CYB5D1: variants seen among roughly 807,000 people sequenced by gnomAD.
CYB5D1 encodes cytochrome b5 domain containing 1.
CYB5D1 carries 30 observed loss-of-function variants against 24.3 expected under a neutral mutation model. That is an observed-to-expected ratio of 1.23 (90% CI 0.92 to 1.67). CYB5D1 has a LOEUF of 1.67. CYB5D1 is among the 40% of genes most tolerant of loss of function. The pLI is 0.00. For missense variants in CYB5D1, 265 were observed against 296.7 expected, an observed-to-expected ratio of 0.89 and a Z score of 0.79; for synonymous variants, 128 against 123.2, an observed-to-expected ratio of 1.04 and a Z score of -0.26.
In CYB5D1 at chr17:7,859,419, G is replaced by C. The variant is rs755083528; in HGVS notation, c.494G>C (p.Arg165Pro). 1.2e-6 allele frequency: 2 copies of C among 1,614,096 alleles called. No homozygotes were observed. Among genetic ancestry groups the C allele is most frequent in the Non-Finnish European group, 1.7e-6 (2 of 1,180,020 alleles). ...VLESIWEILH[R>P]YLPYNSHAAS... is the part of the protein sequence containing the mutation. The stretch of plus-strand genomic sequence containing the variant: ...GAGTCCATATGGGAAATCCTACACC[G>C]CTATCTCCCCTATAACTCACATGCT... Residue 165 changes from arginine (R) to proline (P), a missense_variant, in exon 4 of 4, where the codon CGC becomes CCC. Transcript: ENST00000332439.
chr17:7,859,309 A>G, intron 3 of CYB5D1, 73 bp from the exon 4 acceptor site: 2 of 1,248,474 alleles, frequency 1.6e-6, no homozygotes, highest in South Asian at 2.5e-5. Flanking sequence ...CAAGGGAGGC[A>G]CTTTGATCCC....
At position 7,859,934 on chromosome 17, in the gene CYB5D1, G is replaced by C. The variant is rs1317307373; in HGVS notation, c.*322G>C. Reference sequence around the variant, plus strand: ...AGAGAGTAGTTCTACAGGGGTGAGGGATGGAAGGACTTTTTTGGCAATGAT... The same window carrying C: ...AGAGAGTAGTTCTACAGGGGTGAGGCATGGAAGGACTTTTTTGGCAATGAT... On this transcript the variant is annotated 3_prime_UTR_variant, in exon 4 of 4. Coordinates refer to ENST00000332439, the MANE Select transcript of CYB5D1 (RefSeq NM_144607.6). 1.8e-5 allele frequency: 5 copies of C among 272,296 alleles called. No homozygotes were observed. In the East Asian group the frequency reaches 3.8e-4, roughly 21 times the overall value. 16.9% of individuals were successfully genotyped at this position (272,296 alleles called of 1,614,324 possible).
At position 7,859,613 on chromosome 17, in the gene CYB5D1, G is replaced by A; in HGVS notation, c.*1G>A. 1 of 1,613,566 alleles carries A rather than the reference G, an allele frequency of 6.2e-7. No individual in the cohort carries two copies. Among genetic ancestry groups the A allele is most frequent in the Non-Finnish European group, 8.5e-7 (1 of 1,179,610 alleles). On this transcript the variant is annotated 3_prime_UTR_variant, in exon 4 of 4. Coordinates refer to ENST00000332439, the MANE Select transcript of CYB5D1 (RefSeq NM_144607.6). ...CAATGATGATCTCACGGAGTTGTAG[G>A]CAAGGAGATGTACACTCGTGTAGAC... is the stretch of plus-strand genomic sequence containing the variant.
chr17:7,859,896 TTTGA>T lies in CYB5D1; in HGVS notation c.*286_*289del. 2.3e-6 allele frequency: 1 copy of T among 426,834 alleles called. No individual in the cohort carries two copies. Among genetic ancestry groups the T allele is most frequent in the Non-Finnish European group, 4.3e-6 (1 of 233,006 alleles). 26.4% of individuals were successfully genotyped at this position (426,834 alleles called of 1,614,324 possible). A position where few individuals can be genotyped will look rare whatever the true frequency, so the allele number is the denominator to read the frequency against. ...GATAGTCAGAGTTCAGGCAGAACTG[TTTGA>T]TAGTTAAGAGAGAGTAGTTCTACAG... On this transcript the variant is annotated 3_prime_UTR_variant, in exon 4 of 4. Transcript: ENST00000332439.
rs2078876045 is a variant in CYB5D1 at position 7,860,637 on chromosome 17, A to C, written c.*1025A>C. The C allele has an allele frequency of 6.6e-6, 1 of 152,222 alleles. No homozygotes were observed. The highest frequency in any genetic ancestry group is 6.5e-5 in the Admixed American group (1 of 15,280). 9.4% of individuals were successfully genotyped at this position (152,222 alleles called of 1,614,324 possible). On this transcript the variant is annotated 3_prime_UTR_variant, in exon 4 of 4. Coordinates refer to ENST00000332439, the MANE Select transcript of CYB5D1 (RefSeq NM_144607.6). ...GTTAACATTTGTAGCCACTGCTCTC[A>C]GCAAGTATTTGGGATGTGGCTTTGT...
chr17:7,859,567 A>G lies in CYB5D1; in HGVS notation c.642A>G (p.Thr214=), dbSNP rs1224353493. ...DYLSMDGTLH[T]PAILLYFNDD... is the part of the protein sequence containing the mutation. ...TCAGTATGGACGGTACACTTCACAC[A>G]CCTGCAATACTTCTGTACTTCAATG... The change falls in exon 4 of 4, where the codon ACA becomes ACG. Residue 214 remains threonine, a synonymous_variant. Coordinates refer to ENST00000332439, the MANE Select transcript of CYB5D1 (RefSeq NM_144607.6). The G allele has an allele frequency of 6.2e-7, 1 of 1,614,042 alleles. No homozygotes were observed. The highest frequency in any genetic ancestry group is 1.3e-5 in the African/African-American group (1 of 74,930).
chr17:7,858,925 T>G, intron 3 of CYB5D1, 101 bp downstream of exon 3: 1 of 1,112,516 alleles, frequency 9.0e-7, no homozygotes, highest in Non-Finnish European at 1.2e-6. Context: ...CCGGTGGGAG[T>G]GTATTTTCTG....
At position 7,862,197 on chromosome 17, in the gene CYB5D1, A is replaced by G. The variant is rs2078888151; in HGVS notation, c.*2585A>G. ...TGCTAGATTGTAAGCTCACGAGGGC[A>G]GAGATCTTGTTCACATCTTGCTCAC... On this transcript the variant is annotated 3_prime_UTR_variant, in exon 4 of 4. Transcript: ENST00000332439. 6.6e-6 allele frequency: 1 copy of G among 152,214 alleles called. No homozygotes were observed. The highest frequency in any genetic ancestry group is 6.5e-5 in the Admixed American group (1 of 15,284). The allele number at this position is 152,214 out of a possible 1,614,324, so 9.4% of individuals were successfully genotyped here. A position where few individuals can be genotyped will look rare whatever the true frequency, so the allele number is the denominator to read the frequency against.
Position 7,858,014 on chromosome 17 carries a change from T to G in CYB5D1, c.-121T>G. The G allele has an allele frequency of 6.6e-7, 1 of 1,526,242 alleles. No homozygotes were observed. The highest frequency in any genetic ancestry group is 1.4e-5 in the African/African-American group (1 of 72,794). 94.5% of individuals were successfully genotyped at this position (1,526,242 alleles called of 1,614,324 possible). On this transcript the variant is annotated 5_prime_UTR_variant, in exon 1 of 4. An upstream start codon of the reference 5' UTR is lost. Coordinates refer to ENST00000332439, the MANE Select transcript of CYB5D1 (RefSeq NM_144607.6). The stretch of plus-strand genomic sequence containing the variant: ...GGCCGGAAAAGGACAATGGTTTCCA[T>G]GTCAGCGGATAAACGCTCTCCCCTC...
At position 7,858,602 on chromosome 17, in the gene CYB5D1, A is replaced by G. The variant is rs765723618; in HGVS notation, c.238-4A>G. ...ACACCCTCGCCCCAAACCCTCCTTTAAAGATCCGCAAGCACATAGATCCGC... is the reference window on the plus strand; with the variant it reads ...ACACCCTCGCCCCAAACCCTCCTTTGAAGATCCGCAAGCACATAGATCCGC... On this transcript the variant is annotated splice_region_variant and splice_polypyrimidine_tract_variant and intron_variant, in intron 2 of 3. Coordinates refer to ENST00000332439, the MANE Select transcript of CYB5D1 (RefSeq NM_144607.6). 6.2e-7 allele frequency: 1 copy of G among 1,606,036 alleles called. No homozygotes were observed. The highest frequency in any genetic ancestry group is 2.2e-5 in the East Asian group (1 of 44,746).
chr17:7,860,320 T>C lies in CYB5D1; in HGVS notation c.*708T>C, dbSNP rs567641697. 6.6e-6 allele frequency: 1 copy of C among 152,272 alleles called. No homozygotes were observed. The highest frequency in any genetic ancestry group is 1.5e-5 in the Non-Finnish European group (1 of 68,072). The allele number at this position is 152,272 out of a possible 1,614,324, so 9.4% of individuals were successfully genotyped here. Reference sequence around the variant, plus strand: ...GTGCACGCCACAATGCCTAATTTTTTAATTTTTTGTAGACACAGGGTCTCG... The same window carrying C: ...GTGCACGCCACAATGCCTAATTTTTCAATTTTTTGTAGACACAGGGTCTCG... On this transcript the variant is annotated 3_prime_UTR_variant, in exon 4 of 4. Transcript: ENST00000332439.
In CYB5D1 at chr17:7,861,162, T is replaced by G. The variant is rs1477255328; in HGVS notation, c.*1550T>G. The G allele has an allele frequency of 6.6e-6, 1 of 152,170 alleles. No individual in the cohort carries two copies. Among genetic ancestry groups the G allele is most frequent in the Admixed American group, 6.6e-5 (1 of 15,266 alleles). 9.4% of individuals were successfully genotyped at this position (152,170 alleles called of 1,614,324 possible). A position where few individuals can be genotyped will look rare whatever the true frequency, so the allele number is the denominator to read the frequency against. ...GAGAATGACAGACAGTTGAACTTCC[T>G]GGCAGCAGCAAGCAAAAAACAAATC... On this transcript the variant is annotated 3_prime_UTR_variant, in exon 4 of 4. Coordinates refer to ENST00000332439, the MANE Select transcript of CYB5D1 (RefSeq NM_144607.6).
rs1419798856 is a variant in CYB5D1 at position 7,858,794 on chromosome 17, C to T, written c.426C>T (p.Asn142=). The T allele has an allele frequency of 1.3e-6, 2 of 1,569,560 alleles. No homozygotes were observed. Among genetic ancestry groups the T allele is most frequent in the Non-Finnish European group, 1.7e-6 (2 of 1,157,130 alleles). Residue 142 remains asparagine, a synonymous_variant, in exon 3 of 4, where the codon AAC becomes AAT. Transcript: ENST00000332439. ...SAKTRSIRII[N]TLTSQEHTLE... ...AGACCCGGAGCATCCGCATCATTAA[C>T]ACGCTCACGTCGCAGGAGCACACAC...
In CYB5D1 at chr17:7,858,809, G is replaced by A. The variant is rs763877215; in HGVS notation, c.441G>A (p.Gln147=). The A allele has an allele frequency of 1.1e-5, 17 of 1,553,652 alleles. No homozygotes were observed. The highest frequency in any genetic ancestry group is 1.3e-5 in the Non-Finnish European group (15 of 1,149,318). The change falls in exon 3 of 4, where the codon CAG becomes CAA. Residue 147 remains glutamine (Q), a synonymous_variant. Transcript: ENST00000332439. The stretch of plus-strand genomic sequence containing the variant: ...GCATCATTAACACGCTCACGTCGCA[G>A]GAGCACACACTGGAGGTGAGAACTG... ...SIRIINTLTS[Q]EHTLEVGVLE... is the part of the protein sequence containing the mutation.
rs1006517065 is a variant in CYB5D1 at position 7,860,415 on chromosome 17, C to T, written c.*803C>T. 1.3e-5 allele frequency: 2 copies of T among 152,152 alleles called. No homozygotes were observed. The highest frequency in any genetic ancestry group is 1.9e-4 in the East Asian group (1 of 5,202). The allele number at this position is 152,152 out of a possible 1,614,324, so 9.4% of individuals were successfully genotyped here. A position where few individuals can be genotyped will look rare whatever the true frequency, so the allele number is the denominator to read the frequency against. ...CTCTTGCCTCAGCCTCCCAAATAGC[C>T]TCTTCAAGACAACTACCCCATAAGG... is the stretch of plus-strand genomic sequence containing the variant. On this transcript the variant is annotated 3_prime_UTR_variant, in exon 4 of 4. Coordinates refer to ENST00000332439, the MANE Select transcript of CYB5D1 (RefSeq NM_144607.6).
At position 7,858,472 on chromosome 17, in the gene CYB5D1, C is replaced by A. The variant is rs1414455053; in HGVS notation, c.230C>A (p.Thr77Asn). The A allele has an allele frequency of 1.9e-6, 3 of 1,614,046 alleles. No individual in the cohort carries two copies. The highest frequency in any genetic ancestry group is 2.5e-6 in the Non-Finnish European group (3 of 1,180,026). Reference protein sequence around the residue: ...QDISHWFDPKTRDIRKHIDPL... With the variant: ...QDISHWFDPKNRDIRKHIDPL... Reference sequence around the variant, plus strand: ...ATCAGCCACTGGTTTGATCCAAAGACCAGAGACGTGAGTTATGCTGGAACC... The same window carrying A: ...ATCAGCCACTGGTTTGATCCAAAGAACAGAGACGTGAGTTATGCTGGAACC... Residue 77 changes from threonine to asparagine, a missense_variant, in exon 2 of 4, where the codon ACC becomes AAC. Coordinates refer to ENST00000332439, the MANE Select transcript of CYB5D1 (RefSeq NM_144607.6).
chr17:7,858,708 A>C lies in CYB5D1; in HGVS notation c.340A>C (p.Asn114His). Residue 114 changes from asparagine to histidine, a missense_variant, in exon 3 of 4, where the codon AAC becomes CAC. Transcript: ENST00000332439. ...PPQLPCSDWA[N>H]DFGKPWWQGS... The stretch of plus-strand genomic sequence containing the variant: ...TCAGCTGCCCTGTTCGGACTGGGCC[A>C]ACGATTTTGGGAAGCCCTGGTGGCA... The C allele has an allele frequency of 6.2e-7, 1 of 1,610,882 alleles. No individual in the cohort carries two copies. The highest frequency in any genetic ancestry group is 2.2e-5 in the East Asian group (1 of 44,854).
Position 7,860,917 on chromosome 17 carries a change from A to G in CYB5D1, c.*1305A>G, listed in dbSNP as rs573301060. 2 of 152,308 alleles carry G rather than the reference A, an allele frequency of 1.3e-5. No individual in the cohort carries two copies. Among genetic ancestry groups the G allele is most frequent in the African/African-American group, 4.8e-5 (2 of 41,578 alleles). 9.4% of individuals were successfully genotyped at this position (152,308 alleles called of 1,614,324 possible). On this transcript the variant is annotated 3_prime_UTR_variant, in exon 4 of 4. Coordinates refer to ENST00000332439, the MANE Select transcript of CYB5D1 (RefSeq NM_144607.6). ...AGAGTGGGGAAAAGGCCGGCAAATT[A>G]GTGACACTTTGGCGAGGGAGAAAAA...
At chr17:7,859,351 T>C (rs1354783930) in intron 3 of CYB5D1, 31 bp from the exon 4 acceptor site, 2 of 1,580,390 alleles carry the variant, frequency 1.3e-6, no homozygotes, top group African/African-American at 2.7e-5. Flanking sequence ...CATCCAGAAT[T>C]CTGGGGGTGG....
Sources: allele counts gnomAD v4.1 joint callset, GRCh38; gene constraint gnomAD v4.1.1; transcripts MANE v1.5; gene names NCBI Gene and HGNC (gene_info 2026-07-23, HGNC 2026-07-21).